The following MEIKIN variants were observed in gnomAD, a reference collection of about 807,000 sequenced individuals.
MEIKIN encodes the protein meiotic kinetochore factor, also known as meiosis-specific kinetochore protein.
At chr5:131,827,484 A>G (rs1393212863) in intron 11 of MEIKIN, among the ~76,000 whole-genome samples, 1 of 152,220 alleles carries the variant, frequency 6.6e-6, no homozygotes, top group Non-Finnish European at 1.5e-5. Flanking sequence ...CAAGAGACCT[A>G]CCATAAACAT....
At chr5:131,929,380 C>T (rs1751643658) in intron 5 of MEIKIN, among the ~76,000 whole-genome samples, 1 of 152,172 alleles carries the variant, frequency 6.6e-6, no homozygotes, top group African/African-American at 2.4e-5. Flanking sequence ...TCTTCAAATA[C>T]ACTTTCTAGT....
At chr5:131,871,357 G>A (rs956821428) in intron 9 of MEIKIN, among the ~76,000 whole-genome samples, 31 of 152,222 alleles carry the variant, frequency 2.0e-4, no homozygotes, top group Admixed American at 3.3e-4. Context: ...ATTATATCCC[G>A]CACATGGCTC....
intron 8 of MEIKIN, among the ~76,000 whole-genome samples, chr5:131,893,276 A>G (rs1031205696): frequency 4.6e-5 from 7 of 152,040 alleles, no homozygotes; most frequent in Non-Finnish European, 7.4e-5. Context: ...TTACCTAATC[A>G]AGTCTTGGGA....
At chr5:131,929,095 T>C (rs1308913452) in intron 5 of MEIKIN, among the ~76,000 whole-genome samples, 4 of 152,240 alleles carry the variant, frequency 2.6e-5, no homozygotes, top group Non-Finnish European at 5.9e-5. Flanking sequence ...TTGATAATTT[T>C]TCTTTCAGCA....
chr5:131,858,616 C>A (rs1750234788), intron 9 of MEIKIN, among the ~76,000 whole-genome samples: 1 of 152,108 alleles, frequency 6.6e-6, no homozygotes, highest in Non-Finnish European at 1.5e-5. Flanking sequence ...TTCCGCACAG[C>A]AAATGAAACT....
Position 131,912,649 on chromosome 5 carries a change from T to C in MEIKIN, c.639-770A>G, listed in dbSNP as rs578091175. Among the ~76,000 whole-genome samples, 38 of 152,294 alleles carry C rather than the reference T, an allele frequency of 2.5e-4. No individual in the cohort carries two copies. The South Asian group carries it at 6.6e-3, about 27-fold the overall frequency. On this transcript the variant is annotated intron_variant, in intron 7 of 12. Coordinates refer to ENST00000442687, the MANE Select transcript of MEIKIN (RefSeq NM_001303622.2). The stretch of plus-strand genomic sequence containing the variant: ...AAACAGAAACAATTTTATTCTTTCA[T>C]ATTTCCTTTTAAACGTATCCTGTCA...
At chr5:131,915,501 T>C (rs144557005) in intron 7 of MEIKIN, among the ~76,000 whole-genome samples, 223 of 152,252 alleles carry the variant, frequency 1.5e-3, no homozygotes, top group African/African-American at 5.2e-3. Context: ...ACTTAACATT[T>C]AGGGTGACTA....
intron 8 of MEIKIN, among the ~76,000 whole-genome samples, chr5:131,897,669 T>TGA (rs1751076588): frequency 6.6e-6 from 1 of 152,194 alleles, no homozygotes; most frequent in African/African-American, 2.4e-5. Flanking sequence ...TTTCTTCCAC[T>TGA]TGATGAAATC....
chr5:131,896,772 T>C (rs1561748613), intron 8 of MEIKIN, among the ~76,000 whole-genome samples: 1 of 152,234 alleles, frequency 6.6e-6, no homozygotes, highest in Non-Finnish European at 1.5e-5. Context: ...AGCCTATGTG[T>C]TTCTCTGCAC....
chr5:131,826,094 T>C (rs1749604643), intron 11 of MEIKIN, among the ~76,000 whole-genome samples: 1 of 149,702 alleles, frequency 6.7e-6, no homozygotes, highest in African/African-American at 2.4e-5. Flanking sequence ...TTCTTTTTTT[T>C]TTTTTTTTTT....
chr5:131,821,690 G>A (rs534651122), intron 11 of MEIKIN, among the ~76,000 whole-genome samples: 29 of 129,906 alleles, frequency 2.2e-4, no homozygotes, highest in Non-Finnish European at 3.4e-4. Context: ...CTTTTGCCCA[G>A]GGTGGAATGC....
chr5:131,853,775 C>T (rs190721558), intron 10 of MEIKIN, among the ~76,000 whole-genome samples: 1 of 152,140 alleles, frequency 6.6e-6, no homozygotes, highest in Admixed American at 6.5e-5. Flanking sequence ...TAGGGAAATA[C>T]AAATCAAAAC....
In MEIKIN at chr5:131,854,104, T is replaced by C. The variant is rs143485010; in HGVS notation, c.855+650A>G. On this transcript the variant is annotated intron_variant, in intron 10 of 12. Transcript: ENST00000442687. ...CAGAAGCAACCCAATTGTCCATCAATAGATGAATGGATAAACAAAATGTGT... is the reference window on the plus strand; with the variant it reads ...CAGAAGCAACCCAATTGTCCATCAACAGATGAATGGATAAACAAAATGTGT... 3.2e-3 allele frequency among the ~76,000 whole-genome samples: 487 copies of C among 152,338 alleles called. 3 individuals are homozygous for C. Among genetic ancestry groups the C allele is most frequent in the African/African-American group, 0.011 (462 of 41,586 alleles).
chr5:131,896,903 G>A (rs1028154333), intron 8 of MEIKIN, among the ~76,000 whole-genome samples: 1 of 152,172 alleles, frequency 6.6e-6, no homozygotes, highest in Non-Finnish European at 1.5e-5. Flanking sequence ...ATATTATTAT[G>A]TGTGAATTTG....
intron 8 of MEIKIN, among the ~76,000 whole-genome samples, chr5:131,897,883 C>T (rs1751081116): frequency 6.6e-6 from 1 of 152,128 alleles, no homozygotes; most frequent in African/African-American, 2.4e-5. Context: ...TTATTACCAA[C>T]CCTCTGAAGC....
intron 12 of MEIKIN, among the ~76,000 whole-genome samples, chr5:131,815,211 G>C (rs971054116): frequency 3.3e-5 from 5 of 152,160 alleles, no homozygotes; most frequent in Non-Finnish European, 7.4e-5. Context: ...GAATTCACTG[G>C]TCTATGTTCC....
intron 11 of MEIKIN, among the ~76,000 whole-genome samples, chr5:131,840,351 C>T (rs1749882956): frequency 6.6e-6 from 1 of 152,092 alleles, no homozygotes; most frequent in African/African-American, 2.4e-5. Context: ...GGGATATCTT[C>T]CTTGTGAAGT....
At chr5:131,897,693 C>T (rs1243853012) in intron 8 of MEIKIN, among the ~76,000 whole-genome samples, 1 of 152,122 alleles carries the variant, frequency 6.6e-6, no homozygotes, top group Non-Finnish European at 1.5e-5. Context: ...TATTGAAGCT[C>T]GTGCATGCAT....
At chr5:131,848,450 A>G (rs927787418) in intron 11 of MEIKIN, among the ~76,000 whole-genome samples, 3 of 152,172 alleles carry the variant, frequency 2.0e-5, no homozygotes, top group African/African-American at 7.2e-5. Flanking sequence ...ACCTATAAAC[A>G]CAAAGCCTCT....
Sources: allele counts gnomAD v4.1 joint callset (sites outside exome capture counted in the v4.1 genomes callset), GRCh38; gene constraint gnomAD v4.1.1; transcripts MANE v1.5; gene names NCBI Gene and HGNC (gene_info 2026-07-23, HGNC 2026-07-21).